GPC6: variants seen among roughly 807,000 people sequenced by gnomAD.
The protein encoded by GPC6 is glypican-6.
GPC6 carries 14 observed loss-of-function variants against 55.2 expected under a neutral mutation model. The ratio of observed to expected loss-of-function variants is 0.25; its 90% CI spans 0.17 to 0.40. The LOEUF is 0.40. Ranked by LOEUF, GPC6 falls within the 10% of genes least tolerant of loss-of-function variation. The pLI is 1.00. For synonymous variants in GPC6, 278 were observed against 259.6 expected, an observed-to-expected ratio of 1.07 and a Z score of -0.68; for missense variants, 641 against 708.5, an observed-to-expected ratio of 0.90 and a Z score of 1.08.
chr13:94,245,230 C>T (rs1234740185), intron 4 of GPC6, among the ~76,000 whole-genome samples: 1 of 151,952 alleles, frequency 6.6e-6, no homozygotes. Flanking sequence ...ATATATTTGG[C>T]ATTCATTTAT....
At chr13:93,254,425 G>A (rs569167620) in intron 1 of GPC6, among the ~76,000 whole-genome samples, 81 of 152,156 alleles carry the variant, frequency 5.3e-4, no homozygotes, top group Non-Finnish European at 9.8e-4. Context: ...TATAACCAAA[G>A]ATGATACTAA....
chr13:93,326,843 G>A (rs1879675743), intron 1 of GPC6, among the ~76,000 whole-genome samples: 1 of 152,156 alleles, frequency 6.6e-6, no homozygotes, highest in African/African-American at 2.4e-5. Context: ...GTGCTTCTGT[G>A]AAGGAAATAC....
intron 1 of GPC6, among the ~76,000 whole-genome samples, chr13:93,356,577 C>T (rs900111231): frequency 6.6e-6 from 1 of 152,170 alleles, no homozygotes; most frequent in Non-Finnish European, 1.5e-5. Flanking sequence ...CAAGCACAAA[C>T]ATATTTTATG....
intron 7 of GPC6, among the ~76,000 whole-genome samples, chr13:94,394,776 G>A (rs540216035): frequency 2.0e-5 from 3 of 152,268 alleles, no homozygotes; most frequent in African/African-American, 7.2e-5. Flanking sequence ...AGGAGAAAAG[G>A]CTCTTGAGGA....
rs567467048 is a variant in GPC6 at position 94,172,515 on chromosome 13, C to CT, written c.878-113833dup. Among the ~76,000 whole-genome samples the CT allele has an allele frequency of 3.2e-3, 486 of 152,288 alleles. 3 individuals carry two copies. The highest frequency in any genetic ancestry group is 0.011 in the African/African-American group (472 of 41,548). ...ATTATAGCCATCAGCTAAATTCTGC[C>CT]TGATACTTGCTTTGGTAAATAAAGT... On this transcript the variant is annotated intron_variant, in intron 4 of 8. Coordinates refer to ENST00000377047, the MANE Select transcript of GPC6 (RefSeq NM_005708.5).
intron 3 of GPC6, among the ~76,000 whole-genome samples, chr13:93,983,345 G>A (rs1311241595): frequency 1.3e-5 from 2 of 152,064 alleles, no homozygotes; most frequent in East Asian, 1.9e-4. Flanking sequence ...TTGATGCTGA[G>A]GGTTGATAAC....
At chr13:93,875,150 G>T (rs1391889979) in intron 3 of GPC6, among the ~76,000 whole-genome samples, 1 of 151,966 alleles carries the variant, frequency 6.6e-6, no homozygotes, top group Non-Finnish European at 1.5e-5. Flanking sequence ...CAAGTTTGGT[G>T]AAGGCCCCTC....
At chr13:93,726,468 A>C (rs1420460825) in intron 2 of GPC6, among the ~76,000 whole-genome samples, 1 of 152,140 alleles carries the variant, frequency 6.6e-6, no homozygotes, top group East Asian at 1.9e-4. Context: ...CACATATTAC[A>C]GAGTAGGGGT....
intron 3 of GPC6, among the ~76,000 whole-genome samples, chr13:94,003,290 G>T (rs1881884668): frequency 6.6e-6 from 1 of 152,168 alleles, no homozygotes; most frequent in Non-Finnish European, 1.5e-5. Context: ...TGAGCACATA[G>T]TCTAATTATA....
At chr13:94,305,916 T>C in intron 5 of GPC6, 64 bp from the exon 6 acceptor site, 1 of 1,502,180 alleles carries the variant, frequency 6.7e-7, no homozygotes, top group Non-Finnish European at 9.3e-7. Context: ...TGCACATTTC[T>C]GCTTCATGAA....
At chr13:93,473,149 C>T (rs928480478) in intron 1 of GPC6, among the ~76,000 whole-genome samples, 1 of 152,144 alleles carries the variant, frequency 6.6e-6, no homozygotes, top group African/African-American at 2.4e-5. Context: ...GGCAGCCTGG[C>T]CTGAAGGTAG....
chr13:93,889,731 G>A (rs1272968918), intron 3 of GPC6, among the ~76,000 whole-genome samples: 2 of 152,028 alleles, frequency 1.3e-5, no homozygotes, highest in African/African-American at 4.8e-5. Context: ...TTTTATTCTG[G>A]CCCCATGGGG....
chr13:93,752,883 A>G (rs1219817830), intron 2 of GPC6, among the ~76,000 whole-genome samples: 2 of 152,240 alleles, frequency 1.3e-5, no homozygotes, highest in East Asian at 3.8e-4. Flanking sequence ...ATTAATGATC[A>G]GATGGATTCA....
At chr13:94,296,259 T>G (rs1456964409) in intron 5 of GPC6, among the ~76,000 whole-genome samples, 2 of 152,248 alleles carry the variant, frequency 1.3e-5, no homozygotes, top group East Asian at 3.8e-4. Context: ...GAAAAACTCC[T>G]TTTTCTCTAA....
chr13:94,013,991 T>A (rs1882355502), intron 3 of GPC6, among the ~76,000 whole-genome samples: 1 of 152,224 alleles, frequency 6.6e-6, no homozygotes, highest in Non-Finnish European at 1.5e-5. Flanking sequence ...ATTAAATTTT[T>A]AAAAATAGGC....
chr13:94,402,733 C>T (rs889905586), intron 8 of GPC6, among the ~76,000 whole-genome samples: 6 of 152,022 alleles, frequency 3.9e-5, no homozygotes, highest in African/African-American at 7.2e-5. Context: ...TGGTGGAAGG[C>T]GAAGGGGAAG....
At chr13:93,996,122 C>T (rs1881542251) in intron 3 of GPC6, among the ~76,000 whole-genome samples, 1 of 152,166 alleles carries the variant, frequency 6.6e-6, no homozygotes, top group Non-Finnish European at 1.5e-5. Flanking sequence ...AAATCTGACA[C>T]CTTTCCACAA....
At chr13:94,203,745 A>G (rs1234630463) in intron 4 of GPC6, among the ~76,000 whole-genome samples, 3 of 152,128 alleles carry the variant, frequency 2.0e-5, no homozygotes, top group Non-Finnish European at 2.9e-5. Context: ...CTCAACTACT[A>G]TTAAATCTGT....
intron 1 of GPC6, among the ~76,000 whole-genome samples, chr13:93,423,598 T>C (rs1313238326): frequency 2.0e-5 from 3 of 152,168 alleles, no homozygotes; most frequent in Non-Finnish European, 4.4e-5. Flanking sequence ...CCGCGGTTGC[T>C]AAGTTATTGT....
Sources: gnomAD v4.1 joint callset for allele counts (sites outside exome capture counted in the v4.1 genomes callset) on GRCh38, gnomAD v4.1.1 for gene constraint, MANE v1.5 for transcripts, NCBI Gene and HGNC (gene_info 2026-07-23, HGNC 2026-07-21) for gene names.